The following NAALADL2 variants were observed in gnomAD, a reference collection of about 807,000 sequenced individuals.
The protein encoded by NAALADL2 is inactive N-acetylated-alpha-linked acidic dipeptidase-like protein 2.
NAALADL2 carries 76 observed loss-of-function variants against 87.2 expected under a neutral mutation model. The ratio of observed to expected loss-of-function variants is 0.87; its 90% CI spans 0.72 to 1.05. The LOEUF (loss-of-function observed/expected upper bound fraction) is 1.05, where lower values mean the gene tolerates loss of function less well. Among genes scored for constraint, NAALADL2 ranks in the 50% least tolerant of loss-of-function variants. The pLI is 0.00. For missense variants in NAALADL2, 1,089 were observed against 945.8 expected (o/e 1.15, Z -1.99); for synonymous variants, 354 against 331.0 (o/e 1.07, Z -0.75).
rs570474806 is a variant in NAALADL2 at position 175,534,902 on chromosome 3, T to TA, written c.1654-41126dup. On this transcript the variant is annotated intron_variant, in intron 9 of 13. Coordinates refer to ENST00000454872, the MANE Select transcript of NAALADL2 (RefSeq NM_207015.3). ...CCTTTCTTTCTTTGTTCACACTGTTTAAAAAAAAAAAAAGAACATATCCTT... is the reference window on the plus strand; with the variant it reads ...CCTTTCTTTCTTTGTTCACACTGTTTAAAAAAAAAAAAAAGAACATATCCTT... 3.2e-3 allele frequency among the ~76,000 whole-genome samples: 463 copies of TA among 142,500 alleles called. 3 individuals carry two copies. The highest frequency in any genetic ancestry group is 9.2e-3 in the African/African-American group (360 of 39,022). 93.5% of individuals were successfully genotyped at this position (142,500 alleles called of 152,430 possible).
intron 2 of NAALADL2, among the ~76,000 whole-genome samples, chr3:175,188,166 G>A (rs1359547546): frequency 6.6e-6 from 1 of 152,148 alleles, no homozygotes; most frequent in Non-Finnish European, 1.5e-5. Context: ...TGAGTATTCT[G>A]ATATGTAGTT....
chr3:174,936,922 C>A (rs1034371469), intron 1 of NAALADL2, among the ~76,000 whole-genome samples: 1 of 152,024 alleles, frequency 6.6e-6, no homozygotes, highest in Non-Finnish European at 1.5e-5. Context: ...GGGACGATTT[C>A]GTGGGAGCAC....
chr3:175,590,211 AATAT>A (rs66991809), intron 10 of NAALADL2, among the ~76,000 whole-genome samples: 6 of 5,922 alleles, frequency 1.0e-3, no homozygotes, highest in Admixed American at 2.4e-3. Flanking sequence ...GACTCCGTCT[AATAT>A]ATATATATAT....
At position 174,919,175 on chromosome 3, in the gene NAALADL2, G is replaced by A. The variant is rs572187891; in HGVS notation, c.43+59725G>A. On this transcript the variant is annotated intron_variant, in intron 1 of 13. Transcript: ENST00000454872. Reference sequence around the variant, plus strand: ...CGTTGATGGCTTCTGACTGATCGTGGTGGTGATTGCTGAAGGTTGGGCTGC... The same window carrying A: ...CGTTGATGGCTTCTGACTGATCGTGATGGTGATTGCTGAAGGTTGGGCTGC... 2.6e-5 allele frequency among the ~76,000 whole-genome samples: 4 copies of A among 152,050 alleles called. No homozygotes were observed. In the East Asian group the frequency reaches 7.7e-4, roughly 29 times the overall value.
chr3:174,579,587 A>G (rs1715929790), intron 2 of NAALADL2, among the ~76,000 whole-genome samples: 1 of 152,046 alleles, frequency 6.6e-6, no homozygotes, highest in Non-Finnish European at 1.5e-5. Context: ...GCATGAGGAA[A>G]CTTTATGGAG....
chr3:174,551,300 G>A (rs976798794), intron 2 of NAALADL2: 26 of 152,156 alleles, frequency 1.7e-4, no homozygotes, highest in African/African-American at 5.3e-4. Flanking sequence ...GCACATATAA[G>A]GCATCCCCTG....
intron 1 of NAALADL2, among the ~76,000 whole-genome samples, chr3:174,880,479 G>A (rs904637130): frequency 5.9e-5 from 9 of 151,876 alleles, no homozygotes; most frequent in East Asian, 3.9e-4. Flanking sequence ...TTTCACTAAC[G>A]CCCTCTGGTC....
At chr3:175,142,223 G>T (rs1257718373) in intron 2 of NAALADL2, among the ~76,000 whole-genome samples, 1 of 152,010 alleles carries the variant, frequency 6.6e-6, no homozygotes, top group African/African-American at 2.4e-5. Flanking sequence ...CTAAGTCTGA[G>T]AACTTTTCTA....
At chr3:175,557,680 T>C (rs960466910) in intron 9 of NAALADL2, among the ~76,000 whole-genome samples, 6 of 152,142 alleles carry the variant, frequency 3.9e-5, no homozygotes, top group Non-Finnish European at 7.3e-5. Context: ...CCTGGCTTAT[T>C]TCACATGACA....
At chr3:175,768,670 C>T (rs1583169013) in intron 13 of NAALADL2, among the ~76,000 whole-genome samples, 1 of 151,982 alleles carries the variant, frequency 6.6e-6, no homozygotes, top group South Asian at 2.1e-4. Context: ...GCTAACATGG[C>T]GAAAGCCCGT....
chr3:175,420,286 A>G (rs1482387764), intron 5 of NAALADL2, among the ~76,000 whole-genome samples: 1 of 152,034 alleles, frequency 6.6e-6, no homozygotes, highest in East Asian at 1.9e-4. Flanking sequence ...TTCATCGTCT[A>G]TCTCTGCTGA....
chr3:175,342,684 A>G (rs1002657950), intron 5 of NAALADL2, among the ~76,000 whole-genome samples: 4 of 152,122 alleles, frequency 2.6e-5, no homozygotes, highest in Non-Finnish European at 5.9e-5. Context: ...GGCAATGACT[A>G]AAAAATAGCA....
intron 2 of NAALADL2, among the ~76,000 whole-genome samples, chr3:175,130,758 G>T (rs548816869): frequency 1.3e-5 from 2 of 152,226 alleles, no homozygotes; most frequent in South Asian, 4.2e-4. Context: ...CTGTTTCACT[G>T]GTATATATGT....
At chr3:175,069,442 C>T (rs1457651815) in intron 1 of NAALADL2, among the ~76,000 whole-genome samples, 1 of 149,312 alleles carries the variant, frequency 6.7e-6, no homozygotes, top group Admixed American at 6.6e-5. Context: ...CAGAGAAATG[C>T]AAATCAAAAG....
chr3:174,706,850 C>G (rs1183886613), intron 2 of NAALADL2, among the ~76,000 whole-genome samples: 1 of 152,174 alleles, frequency 6.6e-6, no homozygotes, highest in Non-Finnish European at 1.5e-5. Context: ...CAGCTTTCTA[C>G]ATATGGCTAG....
intron 1 of NAALADL2, among the ~76,000 whole-genome samples, chr3:174,949,206 A>G (rs1039809114): frequency 1.6e-4 from 25 of 152,120 alleles, no homozygotes; most frequent in African/African-American, 5.8e-4. Flanking sequence ...TGGGGGAAAC[A>G]TAAACATTCA....
chr3:175,278,040 G>T (rs1581233524), intron 4 of NAALADL2, among the ~76,000 whole-genome samples: 1 of 152,104 alleles, frequency 6.6e-6, no homozygotes, highest in South Asian at 2.1e-4. Flanking sequence ...GCAGGAGAAT[G>T]GCGTGAACCT....
At chr3:175,522,990 T>G (rs1732863892) in intron 9 of NAALADL2, among the ~76,000 whole-genome samples, 1 of 152,228 alleles carries the variant, frequency 6.6e-6, no homozygotes, top group Non-Finnish European at 1.5e-5. Context: ...CGAGAAGTTC[T>G]TAACCTGGGT....
chr3:175,266,183 T>C (rs1751907237), intron 4 of NAALADL2, among the ~76,000 whole-genome samples: 3 of 151,096 alleles, frequency 2.0e-5, no homozygotes, highest in Admixed American at 2.0e-4. Context: ...TCATTTATTT[T>C]AAATATCTTA....
Sources: allele counts gnomAD v4.1 joint callset (sites outside exome capture counted in the v4.1 genomes callset), GRCh38; gene constraint gnomAD v4.1.1; transcripts MANE v1.5; gene names NCBI Gene and HGNC (gene_info 2026-07-23, HGNC 2026-07-21).